The following RNF170 variants were observed in gnomAD, a reference collection of about 807,000 sequenced individuals.
RNF170 encodes E3 ubiquitin-protein ligase RNF170.
In RNF170, 12 loss-of-function variants were observed where a neutral mutation model predicts 32.7. The ratio of observed to expected loss-of-function variants is 0.37; its 90% confidence interval spans 0.24 to 0.60. The LOEUF (loss-of-function observed/expected upper bound fraction) is 0.60. RNF170 is among the 20% of genes least tolerant of loss of function. RNF170 has a pLI of 0.72. For synonymous variants in RNF170, 91 were observed against 103.6 expected, an observed-to-expected ratio of 0.88 and a Z score of 0.74; for missense variants, 212 against 311.2, an observed-to-expected ratio of 0.68 and a Z score of 2.40.
At chr8:42,887,646 T>C in intron 2 of RNF170, 82 bp downstream of exon 2, 2 of 1,220,820 alleles carry the variant, frequency 1.6e-6, no homozygotes, top group South Asian at 1.2e-5. Context: ...TTGCTGTTCA[T>C]ATTAAGTATT....
intron 5 of RNF170, among the ~76,000 whole-genome samples, chr8:42,863,236 G>A (rs780768610): frequency 4.6e-5 from 7 of 151,902 alleles, no homozygotes; most frequent in East Asian, 1.9e-4. Flanking sequence ...ACTTTATCTC[G>A]ACCTTCTGAG....
chr8:42,854,387 AAC>A lies in RNF170; in HGVS notation c.*1770_*1771del. ...TATTTGTTGTATGACTTCATTCAAAAACACTTTCATCAATAGCATGGGGATTG... is the reference window on the plus strand; with the variant it reads ...TATTTGTTGTATGACTTCATTCAAAAACTTTCATCAATAGCATGGGGATTG... On this transcript the variant is annotated 3_prime_UTR_variant, in exon 7 of 7. Transcript: ENST00000527424. The A allele has an allele frequency of 2.3e-6, 3 of 1,287,246 alleles. No homozygotes were observed. The highest frequency in any genetic ancestry group is 3.0e-6 in the Non-Finnish European group (3 of 988,692). 79.7% of individuals were successfully genotyped at this position (1,287,246 alleles called of 1,614,324 possible). A position where few individuals can be genotyped will look rare whatever the true frequency, so the allele number is the denominator to read the frequency against.
chr8:42,869,116 C>A (rs1202462841), intron 4 of RNF170, among the ~76,000 whole-genome samples: 1 of 151,928 alleles, frequency 6.6e-6, no homozygotes, highest in African/African-American at 2.4e-5. Flanking sequence ...CCTTATGTTG[C>A]CCAGGCTGGC....
chr8:42,866,601 T>C (rs1353638450), intron 4 of RNF170, among the ~76,000 whole-genome samples: 1 of 148,764 alleles, frequency 6.7e-6, no homozygotes, highest in African/African-American at 2.5e-5. Context: ...AAAAAAAAAC[T>C]AGTACAAGCA....
intron 6 of RNF170, among the ~76,000 whole-genome samples, chr8:42,859,140 C>A (rs1803467514): frequency 6.6e-6 from 1 of 151,500 alleles, no homozygotes; most frequent in South Asian, 2.1e-4. Flanking sequence ...GCCAAGATTG[C>A]ACCACCGCAC....
intron 1 of RNF170, among the ~76,000 whole-genome samples, chr8:42,895,057 T>A (rs1206443853): frequency 6.6e-6 from 1 of 152,056 alleles, no homozygotes; most frequent in East Asian, 1.9e-4. Flanking sequence ...CTCACACTTT[T>A]GATCCCAGCA....
chr8:42,888,294 G>T (rs897951176), intron 1 of RNF170, among the ~76,000 whole-genome samples: 1 of 151,890 alleles, frequency 6.6e-6, no homozygotes, highest in Non-Finnish European at 1.5e-5. Flanking sequence ...TTGATCTCCT[G>T]ACCTCGTGAT....
chr8:42,889,838 ATTTAGGTT>A (rs1372458759), intron 1 of RNF170, among the ~76,000 whole-genome samples: 2 of 152,194 alleles, frequency 1.3e-5, no homozygotes, highest in African/African-American at 4.8e-5. Flanking sequence ...CACGGAGTCA[ATTTAGGTT>A]TTTATTTCAT....
chr8:42,861,885 A>C, intron 5 of RNF170, 30 bp from the exon 6 acceptor site: 1 of 1,570,318 alleles, frequency 6.4e-7, no homozygotes, highest in African/African-American at 1.4e-5. Context: ...AAATTATTTC[A>C]ACTTTCTGCA....
rs557352963 is a variant in RNF170 at position 42,882,717 on chromosome 8, T to C, written c.137+5011A>G. ...ACACAGGTTACCCAGAGCTGAACCA[T>C]GGGAGTTGCTACTTAGATGGGCATA... On this transcript the variant is annotated intron_variant, in intron 2 of 6. Coordinates refer to ENST00000527424, the MANE Select transcript of RNF170 (RefSeq NM_030954.4). Among the ~76,000 whole-genome samples, 15 of 152,196 alleles carry C rather than the reference T, an allele frequency of 9.9e-5. 1 individual carries two copies. Among genetic ancestry groups the C allele is most frequent in the African/African-American group, 3.4e-4 (14 of 41,514 alleles).
At chr8:42,862,667 C>A (rs1224816952) in intron 5 of RNF170, among the ~76,000 whole-genome samples, 5 of 152,198 alleles carry the variant, frequency 3.3e-5, no homozygotes, top group Non-Finnish European at 7.3e-5. Context: ...TGTTTAGATG[C>A]TTTCCAAACA....
intron 1 of RNF170, among the ~76,000 whole-genome samples, chr8:42,892,039 C>T (rs964196814): frequency 3.3e-5 from 5 of 152,344 alleles, no homozygotes; most frequent in Admixed American, 6.5e-5. Context: ...ACCACCCAGT[C>T]GCTCAGTTTC....
chr8:42,861,918 T>C, intron 5 of RNF170, 63 bp from the exon 6 acceptor site: 1 of 1,492,518 alleles, frequency 6.7e-7, no homozygotes. Flanking sequence ...TTTCATTTTG[T>C]GTTATTATTC....
intron 1 of RNF170, among the ~76,000 whole-genome samples, chr8:42,891,815 T>C (rs1330230236): frequency 6.6e-6 from 1 of 152,126 alleles, no homozygotes; most frequent in Admixed American, 6.5e-5. Flanking sequence ...AGTTTCGGAA[T>C]AGAGAAAAAG....
At chr8:42,864,889 G>A (rs1803965852) in intron 5 of RNF170, among the ~76,000 whole-genome samples, 1 of 151,756 alleles carries the variant, frequency 6.6e-6, no homozygotes, top group South Asian at 2.1e-4. Context: ...ATTTCAAATA[G>A]GATTCCCTTT....
At chr8:42,874,099 G>A (rs1390335597) in intron 2 of RNF170, 93 bp from the exon 3 acceptor site, 1 of 743,028 alleles carries the variant, frequency 1.3e-6, no homozygotes, top group Non-Finnish European at 2.4e-6. Flanking sequence ...ATAACTACTG[G>A]TAATTAATGT....
At chr8:42,889,590 G>C (rs1277815787) in intron 1 of RNF170, among the ~76,000 whole-genome samples, 1 of 152,100 alleles carries the variant, frequency 6.6e-6, no homozygotes, top group Non-Finnish European at 1.5e-5. Flanking sequence ...CTGGCTGCAA[G>C]AAAATTACCA....
intron 5 of RNF170, among the ~76,000 whole-genome samples, chr8:42,864,993 AT>A (rs1803976213): frequency 6.6e-6 from 1 of 151,552 alleles, no homozygotes; most frequent in African/African-American, 2.4e-5. Flanking sequence ...GTGGTATCTC[AT>A]GCCTGTAATC....
rs1803206957 is a variant in RNF170 at position 42,855,792 on chromosome 8, T to C, written c.*367A>G. 8.0e-7 allele frequency: 1 copy of C among 1,246,326 alleles called. No homozygotes were observed. Among genetic ancestry groups the C allele is most frequent in the African/African-American group, 1.5e-5 (1 of 64,742 alleles). The allele number at this position is 1,246,326 out of a possible 1,614,324, so 77.2% of individuals were successfully genotyped here. Reference sequence around the variant, plus strand: ...TCATATAGGTACCTGCTGAGAAGGATAAGATGGATAAACTGACATTTAACA... The same window carrying C: ...TCATATAGGTACCTGCTGAGAAGGACAAGATGGATAAACTGACATTTAACA... On this transcript the variant is annotated 3_prime_UTR_variant, in exon 7 of 7. Transcript: ENST00000527424.
Sources: allele counts gnomAD v4.1 joint callset (sites outside exome capture counted in the v4.1 genomes callset), GRCh38; gene constraint gnomAD v4.1.1; transcripts MANE v1.5; gene names NCBI Gene and HGNC (gene_info 2026-07-23, HGNC 2026-07-21).